The following HSPA1L variants were observed in gnomAD, a reference collection of about 807,000 sequenced individuals.
HSPA1L encodes heat shock 70 kDa protein 1-like.
A neutral mutation model predicts 31.5 loss-of-function variants in HSPA1L; 21 were observed. The observed-to-expected ratio is 0.67, with a 90% CI of 0.47 to 0.96. The LOEUF (loss-of-function observed/expected upper bound fraction) is 0.96, where lower values mean the gene tolerates loss of function less well. Among genes scored for constraint, HSPA1L ranks in the 40% least tolerant of loss-of-function variants. HSPA1L has a pLI of 0.00. For synonymous variants in HSPA1L, 293 were observed against 323.1 expected, an observed-to-expected ratio of 0.91 and a Z score of 1.00; for missense variants, 709 against 813.4, an observed-to-expected ratio of 0.87 and a Z score of 1.56.
Position 31,815,055 on chromosome 6 carries a change from C to G in HSPA1L, c.-180G>C, listed in dbSNP as rs1358550614. 4.1e-6 allele frequency: 4 copies of G among 975,856 alleles called. No individual in the cohort carries two copies. In the African/African-American group the frequency reaches 5.4e-5, roughly 13 times the overall value. 60.4% of individuals were successfully genotyped at this position (975,856 alleles called of 1,614,324 possible). A position where few individuals can be genotyped will look rare whatever the true frequency, so the allele number is the denominator to read the frequency against. Reference sequence around the variant, plus strand: ...CGGCTCCAACTCAGTAATCTTTTTCCAAACTGGCCCATGAGGTCAGAGACA... The same window carrying G: ...CGGCTCCAACTCAGTAATCTTTTTCGAAACTGGCCCATGAGGTCAGAGACA... On this transcript the variant is annotated 5_prime_UTR_variant, in exon 1 of 2. Transcript: ENST00000375654.
At chr6:31,812,640 G>T (rs1285451859) in intron 1 of HSPA1L, among the ~76,000 whole-genome samples, 1 of 152,020 alleles carries the variant, frequency 6.6e-6, no homozygotes, top group Non-Finnish European at 1.5e-5. Context: ...ATTTTTTATT[G>T]TGGTAAAATA....
In HSPA1L at chr6:31,811,037, A is replaced by G; in HGVS notation, c.936T>C (p.Phe312=). The change falls in exon 2 of 2, where the codon TTT becomes TTC. Residue 312 remains phenylalanine (F), a synonymous_variant. Transcript: ENST00000375654. ...ARFEELCADL[F]RGTLEPVEKA... is the part of the protein sequence containing the mutation. Reference sequence around the variant, plus strand: ...TTTCTACAGGCTCCAGGGTACCCCTAAACAGGTCTGCACACAACTCTTCAA... The same window carrying G: ...TTTCTACAGGCTCCAGGGTACCCCTGAACAGGTCTGCACACAACTCTTCAA... The G allele has an allele frequency of 3.1e-6, 5 of 1,614,180 alleles. No homozygotes were observed. The highest frequency in any genetic ancestry group is 4.2e-6 in the Non-Finnish European group (5 of 1,180,012).
Position 31,814,869 on chromosome 6 carries a change from T to A in HSPA1L, c.-14+20A>T. ...CTGAGCCTTTCAGGTTCACAATCAA[T>A]CAGATCCCTACTGGCTCACCTAGTC... On this transcript the variant is annotated intron_variant, in intron 1 of 1. Coordinates refer to ENST00000375654, the MANE Select transcript of HSPA1L (RefSeq NM_005527.4). 2 of 983,306 alleles carry A rather than the reference T, an allele frequency of 2.0e-6. No individual in the cohort carries two copies. The highest frequency in any genetic ancestry group is 2.4e-6 in the Non-Finnish European group (2 of 828,040). 60.9% of individuals were successfully genotyped at this position (983,306 alleles called of 1,614,324 possible). A position where few individuals can be genotyped will look rare whatever the true frequency, so the allele number is the denominator to read the frequency against.
At position 31,814,129 on chromosome 6, in the gene HSPA1L, C is replaced by CG. The variant is rs558722176; in HGVS notation, c.-14+759dup. Among the ~76,000 whole-genome samples, 39 of 152,210 alleles carry CG rather than the reference C, an allele frequency of 2.6e-4. No individual in the cohort carries two copies. The South Asian group carries it at 7.5e-3, about 29-fold the overall frequency. On this transcript the variant is annotated intron_variant, in intron 1 of 1. Coordinates refer to ENST00000375654, the MANE Select transcript of HSPA1L (RefSeq NM_005527.4). ...AACTGATCAATAAAGGGTTTAAGGG[C>CG]GGGGGGCGGTGGCTCACGCCTGTAA...
rs1267426516 is a variant in HSPA1L at position 31,811,757 on chromosome 6, A to G, written c.216T>C (p.Ala72=). The change falls in exon 2 of 2, where the codon GCT becomes GCC. Residue 72 remains alanine, a synonymous_variant. Coordinates refer to ENST00000375654, the MANE Select transcript of HSPA1L (RefSeq NM_005527.4). The part of the protein sequence containing the change: ...AMNPQNTVFD[A]KRLIGRKFND... ...TAAATTTCCTGCCGATCAGACGTTT[A>G]GCATCAAAAACAGTGTTCTGGGGAT... 6.2e-7 allele frequency: 1 copy of G among 1,614,170 alleles called. No homozygotes were observed. The highest frequency in any genetic ancestry group is 8.5e-7 in the Non-Finnish European group (1 of 1,180,026).
rs748640312 is a variant in HSPA1L, at chr6:31,811,018, C to T, written c.955G>A (p.Val319Ile). 9 of 1,614,072 alleles carry T rather than the reference C, an allele frequency of 5.6e-6. No individual in the cohort carries two copies. In the East Asian group the frequency reaches 1.3e-4, roughly 24 times the overall value. ...TTGGCATCCCGAAGCGCTTTTTCTA[C>T]AGGCTCCAGGGTACCCCTAAACAGG... is the stretch of plus-strand genomic sequence containing the variant. The part of the protein sequence containing the change: ...ADLFRGTLEP[V>I]EKALRDAKMD... Residue 319 changes from valine (V) to isoleucine (I), a missense_variant, in exon 2 of 2, where the codon GTA becomes ATA. Physicochemically the swap from Val to Ile is conservative, Grantham distance 29. Coordinates refer to ENST00000375654, the MANE Select transcript of HSPA1L (RefSeq NM_005527.4).
In HSPA1L at chr6:31,811,932, C is replaced by G; in HGVS notation, c.41G>C (p.Gly14Ala). 1 of 1,614,168 alleles carries G rather than the reference C, an allele frequency of 6.2e-7. No homozygotes were observed. The highest frequency in any genetic ancestry group is 8.5e-7 in the Non-Finnish European group (1 of 1,180,012). Residue 14 changes from glycine (G) to alanine (A), a missense_variant, in exon 2 of 2, where the codon GGC (glycine) becomes GCC (alanine). Gly to Ala is a moderately conservative substitution (Grantham distance 60). Coordinates refer to ENST00000375654, the MANE Select transcript of HSPA1L (RefSeq NM_005527.4). ...CACCCCCACACAGGAGTAGGTGGTG[C>G]CCAGGTCGATGCCTATGGCGATTCC... Reference protein sequence around the residue: ...AKGIAIGIDLGTTYSCVGVFQ... With the variant: ...AKGIAIGIDLATTYSCVGVFQ...
In HSPA1L at chr6:31,814,809, G is replaced by A. The variant is rs114151859; in HGVS notation, c.-14+80C>T. On this transcript the variant is annotated intron_variant, in intron 1 of 1. Coordinates refer to ENST00000375654, the MANE Select transcript of HSPA1L (RefSeq NM_005527.4). ...ACATACCTCAGGCTTAAACCAACTA[G>A]GGAACTTTCCAGTACTTTCCCAAAC... 4,812 of 778,248 alleles carry A rather than the reference G, an allele frequency of 6.2e-3. 13 individuals are homozygous for A. The highest frequency in any genetic ancestry group is 7.1e-3 in the Non-Finnish European group (4,571 of 641,072). 48.2% of individuals were successfully genotyped at this position (778,248 alleles called of 1,614,324 possible). A position where few individuals can be genotyped will look rare whatever the true frequency, so the allele number is the denominator to read the frequency against.
chr6:31,812,101 T>TG, intron 1 of HSPA1L, 116 bp from the exon 2 acceptor site: 2 of 1,284,616 alleles, frequency 1.6e-6, no homozygotes, highest in South Asian at 1.5e-5. Context: ...CAGTCATAGC[T>TG]CACTGCAGCT....
rs1324311833 is a variant in HSPA1L, at chr6:31,814,876, C to T, written c.-14+13G>A. 6.1e-6 allele frequency: 6 copies of T among 984,418 alleles called. No individual in the cohort carries two copies. The highest frequency in any genetic ancestry group is 6.0e-6 in the Non-Finnish European group (5 of 829,130). 61.0% of individuals were successfully genotyped at this position (984,418 alleles called of 1,614,324 possible). On this transcript the variant is annotated intron_variant, in intron 1 of 1. Transcript: ENST00000375654. ...TTTCAGGTTCACAATCAATCAGATC[C>T]CTACTGGCTCACCTAGTCTCCCGAC...
chr6:31,815,045 A>G lies in HSPA1L; in HGVS notation c.-170T>C. ...AAATTTGAGACGGCTCCAACTCAGT[A>G]ATCTTTTTCCAAACTGGCCCATGAG... On this transcript the variant is annotated 5_prime_UTR_variant, in exon 1 of 2. Coordinates refer to ENST00000375654, the MANE Select transcript of HSPA1L (RefSeq NM_005527.4). 1 of 940,752 alleles carries G rather than the reference A, an allele frequency of 1.1e-6. No individual in the cohort carries two copies. The highest frequency in any genetic ancestry group is 1.2e-6 in the Non-Finnish European group (1 of 805,540). 58.3% of individuals were successfully genotyped at this position (940,752 alleles called of 1,614,324 possible). A position where few individuals can be genotyped will look rare whatever the true frequency, so the allele number is the denominator to read the frequency against.
chr6:31,810,897 C>T lies in HSPA1L; in HGVS notation c.1076G>A (p.Arg359His), dbSNP rs1036938945. 2.3e-5 allele frequency: 37 copies of T among 1,614,040 alleles called. No individual in the cohort carries two copies. Among genetic ancestry groups the T allele is most frequent in the Non-Finnish European group, 2.9e-5 (34 of 1,180,044 alleles). Residue 359 changes from arginine (R) to histidine (H), a missense_variant, in exon 2 of 2, where the codon CGT (arginine) becomes CAT (histidine). By Grantham distance (29) the Arg-to-His change is conservative (BLOSUM62 0). Transcript: ENST00000375654. ...AGGGTTGATGCTCTTGTTGAGATCACGTCCATTGAAGTAGTCCTGAAGCAG... is the reference window on the plus strand; with the variant it reads ...AGGGTTGATGCTCTTGTTGAGATCATGTCCATTGAAGTAGTCCTGAAGCAG... ...QRLLQDYFNG[R>H]DLNKSINPDE... is the part of the protein sequence containing the mutation.
chr6:31,814,207 GACCATCCTGGCT>G (rs111230952), intron 1 of HSPA1L, among the ~76,000 whole-genome samples: 3 of 152,186 alleles, frequency 2.0e-5, no homozygotes, highest in Admixed American at 6.5e-5. Flanking sequence ...AGGAGAACGA[GACCATCCTGGCT>G]ACCATCCTGG....
Position 31,815,105 on chromosome 6 carries a change from G to A in HSPA1L, c.-230C>T, listed in dbSNP as rs945432842. 3 of 908,988 alleles carry A rather than the reference G, an allele frequency of 3.3e-6. No individual in the cohort carries two copies. The highest frequency in any genetic ancestry group is 1.8e-5 in the African/African-American group (1 of 55,092). 56.3% of individuals were successfully genotyped at this position (908,988 alleles called of 1,614,324 possible). A position where few individuals can be genotyped will look rare whatever the true frequency, so the allele number is the denominator to read the frequency against. ...AGTATCTCCATTGTAACGTGGCCGG[G>A]CGGTGTCAACACAAACGCCCCCACC... On this transcript the variant is annotated 5_prime_UTR_variant, in exon 1 of 2. Transcript: ENST00000375654.
In HSPA1L at chr6:31,810,284, C is replaced by G; in HGVS notation, c.1689G>C (p.Lys563Asn). The G allele has an allele frequency of 6.5e-7, 1 of 1,545,404 alleles. No homozygotes were observed. The highest frequency in any genetic ancestry group is 8.7e-7 in the Non-Finnish European group (1 of 1,149,332). Reference sequence around the variant, plus strand: ...TTTTATTTTTATCAGACTCACTAATCTTGCCCTTCAAACCTTCATCACTCA... The same window carrying G: ...TTTTATTTTTATCAGACTCACTAATGTTGCCCTTCAAACCTTCATCACTCA... ...SVVSDEGLKG[K>N]ISESDKNKIL... is the part of the protein sequence containing the mutation. Residue 563 changes from lysine (K) to asparagine (N), a missense_variant, in exon 2 of 2, where the codon AAG (lysine) becomes AAC (asparagine). Transcript: ENST00000375654.
Position 31,815,166 on chromosome 6 carries a change from G to GC in HSPA1L, c.-292dup, listed in dbSNP as rs1266446655. The GC allele has an allele frequency of 3.5e-5, 9 of 256,092 alleles. 1 individual carries two copies. The highest frequency in any genetic ancestry group is 1.6e-4 in the East Asian group (1 of 6,276). 15.9% of individuals were successfully genotyped at this position (256,092 alleles called of 1,614,324 possible). ...CGCGCGTAACCCGCTCCCCGCACCAGCCCCCTGCCCACAACTGCGCAGGCC... is the reference window on the plus strand; with the variant it reads ...CGCGCGTAACCCGCTCCCCGCACCAGCCCCCCTGCCCACAACTGCGCAGGCC... On this transcript the variant is annotated 5_prime_UTR_variant, in exon 1 of 2. Transcript: ENST00000375654.
intron 1 of HSPA1L, among the ~76,000 whole-genome samples, chr6:31,814,504 G>A (rs1478624015): frequency 1.5e-4 from 17 of 113,746 alleles, no homozygotes; most frequent in Admixed American, 4.4e-4. Context: ...GCGAGACTCC[G>A]TCTCAAAAAA....
Position 31,811,577 on chromosome 6 carries a change from A to T in HSPA1L, c.396T>A (p.Thr132=). The change falls in exon 2 of 2, where the codon ACT becomes ACA. Residue 132 remains threonine, a synonymous_variant. Transcript: ENST00000375654. ...SSMVLTKLKE[T]AEAFLGHPVT... ...CAGGGTGGCCCAAAAAGGCCTCAGCAGTCTCCTTCAACTTAGTCAATACCA... is the reference window on the plus strand; with the variant it reads ...CAGGGTGGCCCAAAAAGGCCTCAGCTGTCTCCTTCAACTTAGTCAATACCA... 6.2e-7 allele frequency: 1 copy of T among 1,614,174 alleles called. No homozygotes were observed. The highest frequency in any genetic ancestry group is 8.5e-7 in the Non-Finnish European group (1 of 1,180,022).
chr6:31,815,127 C>CA lies in HSPA1L; in HGVS notation c.-253dup, dbSNP rs1479365899. 1.8e-5 allele frequency: 11 copies of CA among 609,062 alleles called. No homozygotes were observed. The highest frequency in any genetic ancestry group is 2.0e-5 in the African/African-American group (1 of 49,546). The allele number at this position is 609,062 out of a possible 1,614,324, so 37.7% of individuals were successfully genotyped here. A position where few individuals can be genotyped will look rare whatever the true frequency, so the allele number is the denominator to read the frequency against. On this transcript the variant is annotated 5_prime_UTR_variant, in exon 1 of 2. Coordinates refer to ENST00000375654, the MANE Select transcript of HSPA1L (RefSeq NM_005527.4). ...CGGGCGGTGTCAACACAAACGCCCC[C>CA]ACCCTCCCCTGGACGCGCGTAACCC...
Sources: gnomAD v4.1 joint callset for allele counts (sites outside exome capture counted in the v4.1 genomes callset) on GRCh38, gnomAD v4.1.1 for gene constraint, MANE v1.5 for transcripts, NCBI Gene and HGNC (gene_info 2026-07-23, HGNC 2026-07-21) for gene names.